The following SRGAP1 variants were observed in gnomAD, a reference collection of about 807,000 sequenced individuals.
SRGAP1 encodes the protein SLIT-ROBO Rho GTPase activating protein 1, also known as SLIT-ROBO Rho GTPase-activating protein 1.
A neutral mutation model predicts 121.9 loss-of-function variants in SRGAP1; 43 were observed. The ratio of observed to expected loss-of-function variants is 0.35; its 90% CI spans 0.28 to 0.46. The LOEUF (loss-of-function observed/expected upper bound fraction) is 0.46. Ranked by LOEUF, SRGAP1 falls within the 20% of genes least tolerant of loss-of-function variation. SRGAP1 has a pLI of 1.00. For missense variants in SRGAP1, 1,102 were observed against 1,350.9 expected (o/e 0.82, Z 2.89); for synonymous variants, 447 against 485.4 (o/e 0.92, Z 1.04).
At chr12:64,074,179 GTTCAT>G (rs1299620071) in intron 8 of SRGAP1, among the ~76,000 whole-genome samples, 1 of 152,144 alleles carries the variant, frequency 6.6e-6, no homozygotes, top group Admixed American at 6.5e-5. Flanking sequence ...CCCCCATCAT[GTTCAT>G]TCCCACTCTT....
intron 19 of SRGAP1, among the ~76,000 whole-genome samples, chr12:64,126,415 G>A (rs2036688433): frequency 6.6e-6 from 1 of 152,212 alleles, no homozygotes; most frequent in African/African-American, 2.4e-5. Context: ...TGCATAGAAT[G>A]GTGTTAAGAG....
intron 3 of SRGAP1, among the ~76,000 whole-genome samples, chr12:63,997,537 G>T (rs1246279129): frequency 6.6e-6 from 1 of 151,946 alleles, no homozygotes; most frequent in Non-Finnish European, 1.5e-5. Flanking sequence ...TGTTTTAAAT[G>T]GATATCTCTA....
At chr12:64,114,356 T>C (rs1178423593) in intron 17 of SRGAP1, among the ~76,000 whole-genome samples, 1 of 144,970 alleles carries the variant, frequency 6.9e-6, no homozygotes, top group Admixed American at 6.8e-5. Flanking sequence ...TTTTTTTTTT[T>C]TGGAGACAGA....
At chr12:64,070,469 A>G (rs1044217671) in intron 8 of SRGAP1, among the ~76,000 whole-genome samples, 2 of 152,206 alleles carry the variant, frequency 1.3e-5, no homozygotes, top group African/African-American at 2.4e-5. Context: ...CTGCTGTTCT[A>G]TGAGTAGAAC....
intron 3 of SRGAP1, among the ~76,000 whole-genome samples, chr12:64,013,228 A>G (rs546435511): frequency 6.6e-6 from 1 of 152,276 alleles, no homozygotes; most frequent in South Asian, 2.1e-4. Context: ...ACTGTAATAA[A>G]CTGGAAACAT....
chr12:63,906,545 C>T, intron 1 of SRGAP1, among the ~76,000 whole-genome samples: 1 of 152,092 alleles, frequency 6.6e-6, no homozygotes, highest in Admixed American at 6.5e-5. Context: ...AATCTCCTGA[C>T]CTCGTGATCT....
chr12:64,071,846 G>A (rs1203017975), intron 8 of SRGAP1, among the ~76,000 whole-genome samples: 2 of 151,872 alleles, frequency 1.3e-5, no homozygotes, highest in Non-Finnish European at 2.9e-5. Flanking sequence ...CTTCTGGAAT[G>A]GTGATGTGAC....
At chr12:63,999,577 G>A (rs942046160) in intron 3 of SRGAP1, among the ~76,000 whole-genome samples, 1 of 152,144 alleles carries the variant, frequency 6.6e-6, no homozygotes, top group Admixed American at 6.6e-5. Flanking sequence ...GAGATGTAGA[G>A]GGAGCAGTCA....
At chr12:64,100,442 A>G (rs2036236004) in intron 15 of SRGAP1, among the ~76,000 whole-genome samples, 1 of 152,210 alleles carries the variant, frequency 6.6e-6, no homozygotes, top group African/African-American at 2.4e-5. Context: ...AAGGGTACCT[A>G]CAGTGCTCAA....
At chr12:63,884,667 A>G (rs981627908) in intron 1 of SRGAP1, among the ~76,000 whole-genome samples, 1 of 150,542 alleles carries the variant, frequency 6.6e-6, no homozygotes, top group African/African-American at 2.4e-5. Context: ...CTTTGTACCC[A>G]TTGACCAACC....
At chr12:64,100,000 A>G (rs1240663788) in intron 15 of SRGAP1, among the ~76,000 whole-genome samples, 1 of 152,226 alleles carries the variant, frequency 6.6e-6, no homozygotes, top group Non-Finnish European at 1.5e-5. Context: ...TTGGGCAAAG[A>G]TTAATACTTA....
chr12:64,112,465 C>G (rs986763790), intron 17 of SRGAP1, among the ~76,000 whole-genome samples: 32 of 151,956 alleles, frequency 2.1e-4, no homozygotes, highest in Non-Finnish European at 3.8e-4. Flanking sequence ...ATAGTTAGAC[C>G]TTTAGGTCAT....
At position 63,917,109 on chromosome 12, in the gene SRGAP1, C is replaced by T. The variant is rs77261844; in HGVS notation, c.68-66838C>T. On this transcript the variant is annotated intron_variant, in intron 1 of 21. Coordinates refer to ENST00000355086, the MANE Select transcript of SRGAP1 (RefSeq NM_020762.4). Reference sequence around the variant, plus strand: ...CATATTGCAAGCTTTATATCTACCCCATGGGATATAACATATGGGATATGC... The same window carrying T: ...CATATTGCAAGCTTTATATCTACCCTATGGGATATAACATATGGGATATGC... Among the ~76,000 whole-genome samples, 1,410 of 152,288 alleles carry T rather than the reference C, an allele frequency of 9.3e-3. 20 individuals carry two copies. The highest frequency in any genetic ancestry group is 0.031 in the African/African-American group (1,272 of 41,562).
chr12:63,886,751 G>T (rs564649695), intron 1 of SRGAP1, among the ~76,000 whole-genome samples: 131 of 152,180 alleles, frequency 8.6e-4, no homozygotes, highest in African/African-American at 3.0e-3. Flanking sequence ...GATTACAGGC[G>T]TGAGACACCA....
intron 1 of SRGAP1, among the ~76,000 whole-genome samples, chr12:63,969,625 C>G (rs2032884658): frequency 6.6e-6 from 1 of 151,992 alleles, no homozygotes; most frequent in Non-Finnish European, 1.5e-5. Context: ...AACCCCGTCT[C>G]TATTAAAAAT....
intron 1 of SRGAP1, among the ~76,000 whole-genome samples, chr12:63,894,641 G>A (rs140989399): frequency 4.3e-4 from 66 of 152,080 alleles, no homozygotes; most frequent in African/African-American, 1.6e-3. Flanking sequence ...CCCACGACAG[G>A]CCCCGGTGTG....
At chr12:64,000,903 T>A (rs2033874025) in intron 3 of SRGAP1, among the ~76,000 whole-genome samples, 1 of 152,042 alleles carries the variant, frequency 6.6e-6, no homozygotes. Flanking sequence ...AAAATAAGGT[T>A]TGAGAAAAAG....
chr12:63,918,307 A>G (rs2030884974), intron 1 of SRGAP1, among the ~76,000 whole-genome samples: 1 of 152,180 alleles, frequency 6.6e-6, no homozygotes, highest in Admixed American at 6.5e-5. Context: ...AACCCAGTGA[A>G]GTTAAGCAAC....
chr12:63,886,327 A>ACTCAGCCTTGACTTTC (rs1900380792), intron 1 of SRGAP1, among the ~76,000 whole-genome samples: 1 of 149,328 alleles, frequency 6.7e-6, no homozygotes, highest in African/African-American at 2.6e-5. Context: ...CTCTCAAGGT[A>ACTCAGCCTTGACTTTC]CTGGGATTAG....
Sources: allele counts gnomAD v4.1 joint callset (sites outside exome capture counted in the v4.1 genomes callset), GRCh38; gene constraint gnomAD v4.1.1; transcripts MANE v1.5; gene names NCBI Gene and HGNC (gene_info 2026-07-23, HGNC 2026-07-21).